Variants in TAOK3 observed in about 807,000 individuals in gnomAD.
TAOK3 encodes TAO kinase 3, also known as serine/threonine-protein kinase TAO3.
Under a neutral mutation model 120.4 loss-of-function variants are expected in TAOK3, and 40 were observed. The ratio of observed to expected loss-of-function variants is 0.33; its 90% CI spans 0.26 to 0.43. The LOEUF (loss-of-function observed/expected upper bound fraction) is 0.43, where lower values mean the gene tolerates loss of function less well. TAOK3 is among the 20% of genes least tolerant of loss of function. The pLI is 1.00. For synonymous variants in TAOK3, 355 were observed against 387.5 expected (o/e 0.92, Z 0.99); for missense variants, 821 against 1,112.1 (o/e 0.74, Z 3.72).
chr12:118,310,723 A>G (rs1213946980), intron 1 of TAOK3, among the ~76,000 whole-genome samples: 1 of 152,200 alleles, frequency 6.6e-6, no homozygotes, highest in Non-Finnish European at 1.5e-5. Context: ...TAGGTTTACC[A>G]CATCTGCTTG....
intron 15 of TAOK3, 83 bp from the exon 16 acceptor site, chr12:118,177,412 C>G: frequency 8.2e-7 from 1 of 1,218,762 alleles, no homozygotes; most frequent in Non-Finnish European, 1.2e-6. Flanking sequence ...TGCAGTAAGA[C>G]AGTCCATGAG....
intron 1 of TAOK3, among the ~76,000 whole-genome samples, chr12:118,349,694 A>G (rs2045049689): frequency 6.6e-6 from 1 of 152,244 alleles, no homozygotes. Flanking sequence ...ATATTGTAAC[A>G]ACATCACAAA....
At chr12:118,197,685 T>C (rs2037797943) in intron 13 of TAOK3, among the ~76,000 whole-genome samples, 1 of 109,922 alleles carries the variant, frequency 9.1e-6, no homozygotes, top group East Asian at 2.1e-4. Context: ...AAACCTTCTT[T>C]TTTTTTTTTT....
intron 14 of TAOK3, among the ~76,000 whole-genome samples, chr12:118,188,436 A>C (rs555733850): frequency 6.6e-6 from 1 of 152,338 alleles, no homozygotes; most frequent in South Asian, 2.1e-4. Flanking sequence ...TACATAGTGT[A>C]GCATTCCTTT....
At chr12:118,337,638 TG>T (rs1215025916) in intron 1 of TAOK3, among the ~76,000 whole-genome samples, 2 of 152,164 alleles carry the variant, frequency 1.3e-5, no homozygotes, top group Non-Finnish European at 2.9e-5. Context: ...AGAATTACAC[TG>T]GGTGGGAAAA....
chr12:118,222,317 G>A (rs747760400), intron 9 of TAOK3, among the ~76,000 whole-genome samples: 2 of 152,134 alleles, frequency 1.3e-5, no homozygotes, highest in African/African-American at 2.4e-5. Flanking sequence ...GGAGGATCAC[G>A]AGGTCAAGAG....
intron 1 of TAOK3, among the ~76,000 whole-genome samples, chr12:118,291,633 C>A (rs1018743662): frequency 6.6e-6 from 1 of 151,994 alleles, no homozygotes; most frequent in Admixed American, 6.6e-5. Context: ...TATCCAAATG[C>A]CAATAATTTC....
intron 11 of TAOK3, among the ~76,000 whole-genome samples, chr12:118,209,108 T>A (rs2139416147): frequency 6.6e-6 from 1 of 152,302 alleles, no homozygotes; most frequent in Admixed American, 6.5e-5. Context: ...ATTGGAAACA[T>A]CCTAAATGCG....
chr12:118,202,773 C>CTTTTTTTTTTTTTT (rs58282262), intron 11 of TAOK3, among the ~76,000 whole-genome samples: 2 of 100,636 alleles, frequency 2.0e-5, no homozygotes, highest in African/African-American at 4.1e-5. Context: ...ATAGTCTATT[C>CTTTTTTTTTTTTTT]TTTTTTTTTT....
chr12:118,274,780 G>A (rs1051911358), intron 1 of TAOK3, among the ~76,000 whole-genome samples: 3 of 151,442 alleles, frequency 2.0e-5, no homozygotes, highest in Non-Finnish European at 4.4e-5. Flanking sequence ...AGGCACGTGC[G>A]ACCACACCCT....
chr12:118,246,496 G>C (rs1464447232), intron 3 of TAOK3: 4 of 1,560,900 alleles, frequency 2.6e-6, no homozygotes, highest in Non-Finnish European at 3.5e-6. Context: ...GGCCACGTCG[G>C]TCTGGGTGTT....
chr12:118,283,498 G>C (rs950071054), intron 1 of TAOK3: 20 of 152,726 alleles, frequency 1.3e-4, no homozygotes, highest in African/African-American at 3.4e-4. Flanking sequence ...TTGGGAGGCT[G>C]AGGTGGGCGG....
intron 1 of TAOK3, among the ~76,000 whole-genome samples, chr12:118,354,631 A>G (rs2045317571): frequency 6.6e-6 from 1 of 151,970 alleles, no homozygotes; most frequent in Admixed American, 6.6e-5. Context: ...TTGTGGGAGG[A>G]ACTCGGTGGG....
chr12:118,178,186 A>C (rs1300696719), intron 15 of TAOK3, among the ~76,000 whole-genome samples: 1 of 152,164 alleles, frequency 6.6e-6, no homozygotes, highest in Non-Finnish European at 1.5e-5. Context: ...GCTTGGCCTC[A>C]AGCTATCCTC....
chr12:118,215,892 C>T (rs567295799), intron 9 of TAOK3, among the ~76,000 whole-genome samples: 352 of 150,082 alleles, frequency 2.3e-3, no homozygotes, highest in African/African-American at 8.2e-3. Context: ...CTAATTTAAA[C>T]AATTTTTTTT....
At chr12:118,164,709 T>C (rs2035470196) in intron 17 of TAOK3, among the ~76,000 whole-genome samples, 1 of 152,184 alleles carries the variant, frequency 6.6e-6, no homozygotes. Flanking sequence ...TGAGCCACCA[T>C]GCCCCAGCCT....
At chr12:118,189,722 C>T (rs1013822126) in intron 14 of TAOK3, 85 bp downstream of exon 14, 2 of 1,519,702 alleles carry the variant, frequency 1.3e-6, no homozygotes, top group Non-Finnish European at 1.8e-6. Flanking sequence ...ATCCATGAAG[C>T]CGAGACAGGC....
intron 13 of TAOK3, among the ~76,000 whole-genome samples, chr12:118,196,046 T>C (rs1202259265): frequency 1.5e-5 from 2 of 132,316 alleles, no homozygotes; most frequent in Non-Finnish European, 3.2e-5. Context: ...CGAGACTCCA[T>C]CTCAAAATAA....
chr12:118,186,662 C>A (rs921409165), intron 14 of TAOK3, among the ~76,000 whole-genome samples: 1 of 152,070 alleles, frequency 6.6e-6, no homozygotes, highest in Non-Finnish European at 1.5e-5. Context: ...AATAAAGATG[C>A]CATGAAATAC....
Sources: gnomAD v4.1 joint callset for allele counts (sites outside exome capture counted in the v4.1 genomes callset) on GRCh38, gnomAD v4.1.1 for gene constraint, MANE v1.5 for transcripts, NCBI Gene and HGNC (gene_info 2026-07-23, HGNC 2026-07-21) for gene names.